E2F2: variants seen among roughly 807,000 people sequenced by gnomAD.
E2F2 encodes the protein transcription factor E2F2.
A neutral mutation model predicts 42.2 loss-of-function variants in E2F2; 22 were observed. That is an observed-to-expected ratio of 0.52 (90% confidence interval 0.37 to 0.74). The LOEUF is 0.74. Ranked by LOEUF, E2F2 falls within the 30% of genes least tolerant of loss-of-function variation. E2F2 has a pLI of 0.00. For synonymous variants in E2F2, 248 were observed against 251.6 expected, an observed-to-expected ratio of 0.99 and a Z score of 0.13; for missense variants, 481 against 557.8, an observed-to-expected ratio of 0.86 and a Z score of 1.39.
intron 6 of E2F2, 136 bp downstream of exon 6, chr1:23,516,199 G>C: frequency 8.4e-7 from 1 of 1,194,284 alleles, no homozygotes. Flanking sequence ...TAAGTACAAT[G>C]CACATGTGTG....
In E2F2 at chr1:23,530,994, G is replaced by A. The variant is rs1159286765; in HGVS notation, c.-201C>T. ...GAGCAGCGCTTAGAGATCGCCGCTT[G>A]GAGATCGCCCGGCGGCTGCGGTGGT... On this transcript the variant is annotated 5_prime_UTR_variant, in exon 1 of 7. Coordinates refer to ENST00000361729, the MANE Select transcript of E2F2 (RefSeq NM_004091.4). This position sits in a 1 kb window ranked among gnomAD's most constrained non-coding sequence, Gnocchi z 4.4. The A allele has an allele frequency of 9.0e-6, 5 of 557,768 alleles. No individual in the cohort carries two copies. The East Asian group carries it at 1.7e-4, about 19-fold the overall frequency. 34.6% of individuals were successfully genotyped at this position (557,768 alleles called of 1,614,324 possible). A position where few individuals can be genotyped will look rare whatever the true frequency, so the allele number is the denominator to read the frequency against.
At chr1:23,526,112 C>G (rs375139223) in intron 1 of E2F2, among the ~76,000 whole-genome samples, 1 of 152,060 alleles carries the variant, frequency 6.6e-6, no homozygotes, top group Non-Finnish European at 1.5e-5. Flanking sequence ...CCACCACTAC[C>G]GAGACCTGGA....
chr1:23,521,998 C>T lies in E2F2; in HGVS notation c.417G>A (p.Lys139=). The stretch of plus-strand genomic sequence containing the variant: ...ACTCGCTCAGGAGGTAAATGAACTT[C>T]TTGGTGAGCAGCCCCAGCGAAGTGT... The part of the protein sequence containing the change: ...RYDTSLGLLT[K]KFIYLLSESE... The change falls in exon 3 of 7, where the codon AAG becomes AAA. Residue 139 remains lysine (K), a synonymous_variant. Coordinates refer to ENST00000361729, the MANE Select transcript of E2F2 (RefSeq NM_004091.4). 1 of 1,614,226 alleles carries T rather than the reference C, an allele frequency of 6.2e-7. No homozygotes were observed. Among genetic ancestry groups the T allele is most frequent in the Non-Finnish European group, 8.5e-7 (1 of 1,180,052 alleles).
chr1:23,524,414 G>A lies in E2F2; in HGVS notation c.327C>T (p.Cys109=). 1 of 1,590,942 alleles carries A rather than the reference G, an allele frequency of 6.3e-7. No homozygotes were observed. Among genetic ancestry groups the A allele is most frequent in the South Asian group, 1.1e-5 (1 of 90,748 alleles). Residue 109 remains cysteine (C), a synonymous_variant, in exon 2 of 7, where the codon TGC becomes TGT. Transcript: ENST00000361729. Reference sequence around the variant, plus strand: ...GGCTGGGGAGGCCATCCACTCTGATGCACTTCCCCTTGGGGGTTGGGAACT... The same window carrying A: ...GGCTGGGGAGGCCATCCACTCTGATACACTTCCCCTTGGGGGTTGGGAACT... ...VPEFPTPKGK[C]IRVDGLPSPK...
chr1:23,514,114 A>G (rs1246634920), intron 6 of E2F2, among the ~76,000 whole-genome samples: 2 of 125,506 alleles, frequency 1.6e-5, no homozygotes, highest in Non-Finnish European at 3.5e-5. Context: ...ATAGAGTGAG[A>G]CTCTGTCTTA....
chr1:23,528,996 T>C (rs968596729), intron 1 of E2F2, among the ~76,000 whole-genome samples: 3 of 152,162 alleles, frequency 2.0e-5, no homozygotes, highest in African/African-American at 7.2e-5. Context: ...GAGGATTGCT[T>C]GAGCCCAGGA....
intron 3 of E2F2, 53 bp from the exon 4 acceptor site, chr1:23,521,124 AGGTCATTC>A: frequency 3.3e-6 from 5 of 1,515,792 alleles, no homozygotes; most frequent in South Asian, 2.6e-5. Context: ...CTCCAGAACA[AGGTCATTC>A]AAAAAATAGT....
chr1:23,524,647 C>T lies in E2F2; in HGVS notation c.253-159G>A, dbSNP rs140734683. Among the ~76,000 whole-genome samples the T allele has an allele frequency of 1.2e-4, 19 of 152,334 alleles. No individual in the cohort carries two copies. The East Asian group carries it at 3.5e-3, about 28-fold the overall frequency. On this transcript the variant is annotated intron_variant, in intron 1 of 6. Transcript: ENST00000361729. Reference sequence around the variant, plus strand: ...AGCACTGCTGTACTTGATAGGAAAACATCAGTGACCTGAGAAGTGAGCTTT... The same window carrying T: ...AGCACTGCTGTACTTGATAGGAAAATATCAGTGACCTGAGAAGTGAGCTTT...
chr1:23,529,115 C>T (rs533611614), intron 1 of E2F2, among the ~76,000 whole-genome samples: 2 of 152,282 alleles, frequency 1.3e-5, no homozygotes, highest in East Asian at 3.9e-4. Flanking sequence ...CTACCCCATC[C>T]CCATCTCTGA....
Position 23,521,013 on chromosome 1 carries a change from C to G in E2F2, c.637G>C (p.Glu213Gln), listed in dbSNP as rs772963218. Residue 213 changes from glutamate (E) to glutamine (Q), a missense_variant, in exon 4 of 7, where the codon GAG (glutamate) becomes CAG (glutamine). Transcript: ENST00000361729. ...RPGKQQQLGQ[E>Q]LKELMNTEQA... Reference sequence around the variant, plus strand: ...TCCGTGTTCATCAGCTCCTTCAGCTCCTGCCCCAGCTGTTGCTGCTTCCCA... The same window carrying G: ...TCCGTGTTCATCAGCTCCTTCAGCTGCTGCCCCAGCTGTTGCTGCTTCCCA... 1.2e-6 allele frequency: 2 copies of G among 1,613,578 alleles called. No individual in the cohort carries two copies. The highest frequency in any genetic ancestry group is 2.7e-5 in the African/African-American group (2 of 74,902).
chr1:23,515,165 C>T (rs1384705209), intron 6 of E2F2, among the ~76,000 whole-genome samples: 1 of 152,224 alleles, frequency 6.6e-6, no homozygotes, highest in African/African-American at 2.4e-5. Context: ...AAGTGGAACA[C>T]TGGCCTACAT....
rs1480115883 is a variant in E2F2 at position 23,530,605 on chromosome 1, G to A, written c.189C>T (p.Leu63=). 1 of 1,613,002 alleles carries A rather than the reference G, an allele frequency of 6.2e-7. No individual in the cohort carries two copies. Among genetic ancestry groups the A allele is most frequent in the African/African-American group, 1.3e-5 (1 of 74,930 alleles). Residue 63 remains leucine, a synonymous_variant, in exon 1 of 7, where the codon CTC becomes CTT. Coordinates refer to ENST00000361729, the MANE Select transcript of E2F2 (RefSeq NM_004091.4). This position sits in a 1 kb window ranked among gnomAD's most constrained non-coding sequence, Gnocchi z 4.4. ...APPAAAPGTC[L]DATPHGPEGQ... ...CCTCGGGTCCGTGGGGAGTGGCGTC[G>A]AGGCAGGTGCCTGGCGCCGCTGCGG... is the stretch of plus-strand genomic sequence containing the variant.
At chr1:23,510,295 C>T (rs2148686757) in intron 6 of E2F2, 147 bp from the exon 7 acceptor site, 1 of 1,371,028 alleles carries the variant, frequency 7.3e-7, no homozygotes, top group South Asian at 1.6e-5. Context: ...ATCCACCTTC[C>T]AGAGTCTACA....
chr1:23,518,472 AAAATAAATAAAT>A (rs56023276), intron 5 of E2F2, among the ~76,000 whole-genome samples: 3 of 150,108 alleles, frequency 2.0e-5, no homozygotes, highest in African/African-American at 2.4e-5. Context: ...CTCTGTCTCA[AAAATAAATAAAT>A]AAATAAATAA....
At chr1:23,525,487 G>A (rs531630357) in intron 1 of E2F2, among the ~76,000 whole-genome samples, 2 of 152,332 alleles carry the variant, frequency 1.3e-5, no homozygotes, top group South Asian at 4.1e-4. Context: ...CATCTAAGGA[G>A]CCTCAGTTTC....
chr1:23,514,584 T>G (rs994159106), intron 6 of E2F2, among the ~76,000 whole-genome samples: 1 of 151,802 alleles, frequency 6.6e-6, no homozygotes. Flanking sequence ...TCCCAGCACT[T>G]TGGGAAGCCA....
intron 6 of E2F2, among the ~76,000 whole-genome samples, chr1:23,513,424 G>A (rs1050427548): frequency 1.3e-5 from 2 of 152,170 alleles, no homozygotes; most frequent in African/African-American, 4.8e-5. Context: ...GGGAAACTGA[G>A]GCTGCAGAGA....
chr1:23,523,247 C>T (rs1259805876), intron 2 of E2F2, among the ~76,000 whole-genome samples: 2 of 151,664 alleles, frequency 1.3e-5, no homozygotes, highest in Non-Finnish European at 2.9e-5. Context: ...CAACCTGCCT[C>T]CCAGGTTCAA....
At chr1:23,516,906 G>A (rs1643035372) in intron 5 of E2F2, among the ~76,000 whole-genome samples, 1 of 151,948 alleles carries the variant, frequency 6.6e-6, no homozygotes, top group Non-Finnish European at 1.5e-5. Context: ...GGCTCAGGTG[G>A]ATCCAACCAG....
Sources: allele counts gnomAD v4.1 joint callset (sites outside exome capture counted in the v4.1 genomes callset), GRCh38; gene constraint gnomAD v4.1.1; non-coding constraint Gnocchi (gnomAD v3.1); transcripts MANE v1.5; gene names NCBI Gene and HGNC (gene_info 2026-07-23, HGNC 2026-07-21).